The following PMPCA variants were observed in gnomAD, a reference collection of about 807,000 sequenced individuals.
The protein encoded by PMPCA is peptidase, mitochondrial processing subunit alpha.
PMPCA carries 47 observed loss-of-function variants against 59.3 expected under a neutral mutation model. The observed-to-expected ratio is 0.79, with a 90% CI of 0.63 to 1.01. The LOEUF (loss-of-function observed/expected upper bound fraction) is 1.01, where lower values mean the gene tolerates loss of function less well. Ranked by LOEUF, PMPCA falls within the 50% of genes least tolerant of loss-of-function variation. The pLI is 0.00. For missense variants in PMPCA, 726 were observed against 704.5 expected (o/e 1.03, Z -0.34); for synonymous variants, 338 against 290.3 (o/e 1.16, Z -1.67).
At chr9:136,412,414 AT>A (rs1176583474) in intron 2 of PMPCA, 75 bp from the exon 3 acceptor site, 1 of 824,648 alleles carries the variant, frequency 1.2e-6, no homozygotes, top group African/African-American at 1.7e-5. Flanking sequence ...TCATATTGAC[AT>A]CTTAAAATGT....
chr9:136,410,865 G>A, intron 1 of PMPCA, 126 bp downstream of exon 1: 1 of 773,642 alleles, frequency 1.3e-6, no homozygotes, highest in South Asian at 4.8e-5. Context: ...CGGGACACTG[G>A]TGTCCCCGAG....
intron 4 of PMPCA, 134 bp from the exon 5 acceptor site, chr9:136,414,419 C>T (rs1041999803): frequency 3.9e-5 from 26 of 669,316 alleles, no homozygotes; most frequent in African/African-American, 3.6e-4. Context: ...GCCCAAGTGT[C>T]CCCTGGCTGT....
chr9:136,412,376 C>T (rs1278882849), intron 2 of PMPCA, 114 bp from the exon 3 acceptor site: 7 of 747,600 alleles, frequency 9.4e-6, no homozygotes, highest in African/African-American at 1.8e-5. Flanking sequence ...GCACAATCAC[C>T]CTCATGTAAT....
intron 7 of PMPCA, 45 bp from the exon 8 acceptor site, chr9:136,417,972 C>T (rs771018753): frequency 3.3e-5 from 46 of 1,374,794 alleles, no homozygotes; most frequent in Middle Eastern, 3.5e-4. Flanking sequence ...TGCGAGCCCT[C>T]ATTGTTTTTC....
intron 12 of PMPCA, chr9:136,422,210 C>A: frequency 6.7e-7 from 1 of 1,482,212 alleles, no homozygotes; most frequent in Non-Finnish European, 9.0e-7. Context: ...GCAGGTGACC[C>A]CACCCTCTGC....
In PMPCA at chr9:136,423,189, C is replaced by G. The variant is rs748140317; in HGVS notation, c.1503C>G (p.Pro501=). ...VAALGDLTDL[P]TYEHIQTALS... ...CCCTGGGTGACCTGACTGACCTGCC[C>G]ACGTATGAGCACATCCAGACCGCCC... The change falls in exon 13 of 13, where the codon CCC becomes CCG. Residue 501 remains proline (P), a synonymous_variant. Transcript: ENST00000371717. 2 of 1,613,826 alleles carry G rather than the reference C, an allele frequency of 1.2e-6. No homozygotes were observed. Among genetic ancestry groups the G allele is most frequent in the Admixed American group, 3.3e-5 (2 of 60,026 alleles).
Position 136,418,767 on chromosome 9 carries a change from GT to G in PMPCA, c.1110-58del, listed in dbSNP as rs1006677815. 13 of 1,524,126 alleles carry G rather than the reference GT, an allele frequency of 8.5e-6. No homozygotes were observed. The African/African-American group carries it at 1.5e-4, about 18-fold the overall frequency. The allele number at this position is 1,524,126 out of a possible 1,614,324, so 94.4% of individuals were successfully genotyped here. A position where few individuals can be genotyped will look rare whatever the true frequency, so the allele number is the denominator to read the frequency against. On this transcript the variant is annotated intron_variant, in intron 9 of 12. Transcript: ENST00000371717. ...CCACCTTCCAGGTGACTTTTCTCCA[GT>G]TTCCCATGGCCTGATCCTGGCGAGT...
rs776697174 is a variant in PMPCA at position 136,417,103 on chromosome 9, T to C, written c.786T>C (p.His262=). 6.2e-7 allele frequency: 1 copy of C among 1,613,906 alleles called. No homozygotes were observed. Among genetic ancestry groups the C allele is most frequent in the South Asian group, 1.1e-5 (1 of 91,082 alleles). Residue 262 remains histidine, a synonymous_variant, in exon 7 of 13, where the codon CAT becomes CAC. Transcript: ENST00000371717. ...VLAGVGVEHE[H]LVDCARKYLL... ...CCGGCGTGGGCGTGGAGCACGAGCA[T>C]CTGGTGGACTGTGCCCGGAAGTACC...
intron 3 of PMPCA, 48 bp downstream of exon 3, chr9:136,412,617 T>C: frequency 1.0e-6 from 1 of 995,096 alleles, no homozygotes; most frequent in Non-Finnish European, 1.6e-6. Flanking sequence ...TTGAAGGATG[T>C]TTGAGATTTT....
intron 11 of PMPCA, among the ~76,000 whole-genome samples, chr9:136,421,370 A>C (rs1410338253): frequency 6.6e-6 from 1 of 150,474 alleles, no homozygotes; most frequent in Admixed American, 6.6e-5. Flanking sequence ...AGGGGAGACC[A>C]GCAGGGTTGC....
chr9:136,419,249 A>G lies in PMPCA; in HGVS notation c.1263+143A>G, dbSNP rs796707363. 10 of 799,654 alleles carry G rather than the reference A, an allele frequency of 1.3e-5. No individual in the cohort carries two copies. The African/African-American group carries it at 1.5e-4, about 12-fold the overall frequency. The allele number at this position is 799,654 out of a possible 1,614,324, so 49.5% of individuals were successfully genotyped here. A position where few individuals can be genotyped will look rare whatever the true frequency, so the allele number is the denominator to read the frequency against. ...CAGGGCAGGGCAGGGCAGGGCGGCC[A>G]AGGAGGCACAGCCTGGGGCTGAGCT... On this transcript the variant is annotated intron_variant, in intron 11 of 12. Coordinates refer to ENST00000371717, the MANE Select transcript of PMPCA (RefSeq NM_015160.3).
In PMPCA at chr9:136,412,027, T is replaced by C; in HGVS notation, c.102T>C (p.Ser34=). 1 of 1,613,116 alleles carries C rather than the reference T, an allele frequency of 6.2e-7. No individual in the cohort carries two copies. The change falls in exon 2 of 13, where the codon AGT becomes AGC. Residue 34 remains serine, a synonymous_variant. Coordinates refer to ENST00000371717, the MANE Select transcript of PMPCA (RefSeq NM_015160.3). ...RFGPPAYRRF[S]SGGAYPNIPL... ...GACCTCCTGCGTACAGACGGTTTAG[T>C]AGTGGTGGTGCCTATCCCAACATCC...
In PMPCA at chr9:136,423,177, G is replaced by A. The variant is rs1364147911; in HGVS notation, c.1491G>A (p.Leu497=). 6.2e-7 allele frequency: 1 copy of A among 1,613,694 alleles called. No homozygotes were observed. The highest frequency in any genetic ancestry group is 8.5e-7 in the Non-Finnish European group (1 of 1,180,046). Residue 497 remains leucine, a synonymous_variant, in exon 13 of 13, where the codon CTG becomes CTA. Coordinates refer to ENST00000371717, the MANE Select transcript of PMPCA (RefSeq NM_015160.3). ...CGGCAGTGGCCGCCCTGGGTGACCT[G>A]ACTGACCTGCCCACGTATGAGCACA... The part of the protein sequence containing the change: ...GKPAVAALGD[L]TDLPTYEHIQ...
At chr9:136,422,786 C>T in intron 12 of PMPCA, 4 of 1,149,208 alleles carry the variant, frequency 3.5e-6, no homozygotes, top group Non-Finnish European at 2.2e-6. Context: ...GTTTTTTCTG[C>T]AGGCCGTCCT....
Position 136,423,391 on chromosome 9 carries a change from C to T in PMPCA, c.*127C>T, listed in dbSNP as rs376695001. 2.1e-5 allele frequency: 20 copies of T among 955,310 alleles called. No individual in the cohort carries two copies. Among genetic ancestry groups the T allele is most frequent in the Middle Eastern group, 3.3e-4 (1 of 2,992 alleles). The allele number at this position is 955,310 out of a possible 1,614,324, so 59.2% of individuals were successfully genotyped here. Reference sequence around the variant, plus strand: ...ATAAACGGTGCAAACAATGTCGCCACAGCACCCACGCGGTTTGCATTCTTT... The same window carrying T: ...ATAAACGGTGCAAACAATGTCGCCATAGCACCCACGCGGTTTGCATTCTTT... On this transcript the variant is annotated 3_prime_UTR_variant, in exon 13 of 13. Coordinates refer to ENST00000371717, the MANE Select transcript of PMPCA (RefSeq NM_015160.3).
In PMPCA at chr9:136,416,148, G is replaced by C. The variant is rs919570896; in HGVS notation, c.533-143G>C. ...TCCCCCTCACTCACACAAGCACCCA[G>C]TCTGCCCCTAGATGAAGGCAGAGGT... On this transcript the variant is annotated intron_variant, in intron 5 of 12. Coordinates refer to ENST00000371717, the MANE Select transcript of PMPCA (RefSeq NM_015160.3). 4 of 651,688 alleles carry C rather than the reference G, an allele frequency of 6.1e-6. No homozygotes were observed. The African/African-American group carries it at 7.2e-5, about 12-fold the overall frequency. The allele number at this position is 651,688 out of a possible 1,614,324, so 40.4% of individuals were successfully genotyped here.
At chr9:136,415,675 C>T (rs1835253390) in intron 5 of PMPCA, among the ~76,000 whole-genome samples, 1 of 152,256 alleles carries the variant, frequency 6.6e-6, no homozygotes, top group South Asian at 2.1e-4. Flanking sequence ...CTCTGTCACC[C>T]AGGCTGGAAT....
chr9:136,412,622 G>A (rs1167796808), intron 3 of PMPCA, 53 bp downstream of exon 3: 4 of 956,938 alleles, frequency 4.2e-6, no homozygotes, highest in African/African-American at 1.6e-5. Context: ...GGATGTTTGA[G>A]ATTTTTCTTG....
intron 1 of PMPCA, chr9:136,411,085 C>A (rs931232567): frequency 7.6e-6 from 2 of 264,270 alleles, no homozygotes; most frequent in Non-Finnish European, 1.4e-5. Context: ...TCTGTTAGAC[C>A]CGCAGGGTTC....
Sources: allele counts gnomAD v4.1 joint callset (sites outside exome capture counted in the v4.1 genomes callset), GRCh38; gene constraint gnomAD v4.1.1; transcripts MANE v1.5; gene names NCBI Gene and HGNC (gene_info 2026-07-23, HGNC 2026-07-21).